STAT5B: variants seen among roughly 807,000 people sequenced by gnomAD.
STAT5B encodes signal transducer and activator of transcription 5B.
STAT5B carries 21 observed loss-of-function variants against 107.8 expected under a neutral mutation model. That is an observed-to-expected ratio of 0.19 (90% CI 0.14 to 0.28). The LOEUF is 0.28. Among genes scored for constraint, STAT5B ranks in the 10% least tolerant of loss-of-function variants. The pLI, the probability that STAT5B is intolerant of heterozygous loss-of-function variation, is 1.00. For synonymous variants in STAT5B, 325 were observed against 401.7 expected (o/e 0.81, Z 2.28); for missense variants, 565 against 1,008.2 (o/e 0.56, Z 5.95).
chr17:42,247,586 AC>A (rs2080462269), intron 1 of STAT5B, among the ~76,000 whole-genome samples: 1 of 152,162 alleles, frequency 6.6e-6, no homozygotes, highest in South Asian at 2.1e-4. Context: ...GGGGTGTCCT[AC>A]TACCTGTGTT....
chr17:42,250,151 T>C (rs1229499477), intron 1 of STAT5B, among the ~76,000 whole-genome samples: 2 of 152,086 alleles, frequency 1.3e-5, no homozygotes, highest in Non-Finnish European at 1.5e-5. Flanking sequence ...TGCGAGAAAA[T>C]GTTACGAGCT....
chr17:42,212,954 C>A (rs771619349), intron 12 of STAT5B, among the ~76,000 whole-genome samples: 4 of 152,176 alleles, frequency 2.6e-5, no homozygotes, highest in Non-Finnish European at 5.9e-5. Context: ...CTATGCATGC[C>A]AGCAATGACA....
At chr17:42,241,695 G>A (rs2080404640) in intron 1 of STAT5B, among the ~76,000 whole-genome samples, 2 of 152,122 alleles carry the variant, frequency 1.3e-5, no homozygotes, top group South Asian at 4.2e-4. Flanking sequence ...CACCCACCTC[G>A]GCCTCCCAAA....
chr17:42,252,392 C>A (rs2080507812), intron 1 of STAT5B, among the ~76,000 whole-genome samples: 1 of 152,172 alleles, frequency 6.6e-6, no homozygotes, highest in Non-Finnish European at 1.5e-5. Context: ...AGAACCAAGG[C>A]AACTAAGTTA....
the STAT5B span, among the ~76,000 whole-genome samples, chr17:42,284,154 G>A: frequency 6.6e-6 from 1 of 152,126 alleles, no homozygotes; most frequent in Non-Finnish European, 1.5e-5. Flanking sequence ...CCCAAGGAAG[G>A]TCAAGTCAAG....
chr17:42,259,023 G>A (rs981227763), intron 1 of STAT5B, among the ~76,000 whole-genome samples: 2 of 152,186 alleles, frequency 1.3e-5, no homozygotes, highest in African/African-American at 4.8e-5. Context: ...ACCAAAAGGT[G>A]AATATGATTC....
At chr17:42,203,022 A>G (rs983809537) in intron 16 of STAT5B, 1 of 612,580 alleles carries the variant, frequency 1.6e-6, no homozygotes, top group Non-Finnish European at 2.9e-6. Context: ...GGCTCACTGC[A>G]GCCTCCGCCT....
chr17:42,283,772 T>C, the STAT5B span, among the ~76,000 whole-genome samples: 1 of 152,296 alleles, frequency 6.6e-6, no homozygotes, highest in South Asian at 2.1e-4. Flanking sequence ...GGTCCTGATC[T>C]GTCTTCTTGG....
chr17:42,214,316 A>T, intron 12 of STAT5B: 1 of 985,408 alleles, frequency 1.0e-6, no homozygotes, highest in Non-Finnish European at 1.2e-6. Flanking sequence ...GAAACAAGAG[A>T]TGTGGCAATC....
chr17:42,266,419 G>C (rs1029209338), intron 1 of STAT5B, among the ~76,000 whole-genome samples: 11 of 151,668 alleles, frequency 7.3e-5, no homozygotes, highest in Non-Finnish European at 1.0e-4. Flanking sequence ...CATAAATTTT[G>C]AGAATATCAC....
At chr17:42,218,466 TG>T in intron 8 of STAT5B, 136 bp from the exon 9 acceptor site, 1 of 1,444,250 alleles carries the variant, frequency 6.9e-7, no homozygotes. Flanking sequence ...CCTCTGTTCC[TG>T]GGGAAGCCGT....
chr17:42,217,666 A>C, intron 9 of STAT5B: 2 of 638,012 alleles, frequency 3.1e-6, no homozygotes, highest in East Asian at 2.8e-5. Context: ...AACTATCTTC[A>C]CAGAAAACAG....
intron 3 of STAT5B, 146 bp downstream of exon 3, chr17:42,227,378 TAAAAA>T: frequency 7.1e-6 from 6 of 850,732 alleles, no homozygotes; most frequent in Non-Finnish European, 9.9e-6. Context: ...AAATAAAAAG[TAAAAA>T]AAAAAAAAAA....
At chr17:42,229,808 T>C (rs1389957624) in intron 2 of STAT5B, among the ~76,000 whole-genome samples, 2 of 151,744 alleles carry the variant, frequency 1.3e-5, no homozygotes, top group East Asian at 2.0e-4. Flanking sequence ...GAGGCGGAGA[T>C]TGCAGTGAGC....
At chr17:42,280,210 G>A (rs1162813656), upstream of STAT5B, among the ~76,000 whole-genome samples, 1 of 152,104 alleles carries the variant, frequency 6.6e-6, no homozygotes, top group Non-Finnish European at 1.5e-5. Context: ...AATGTCCACT[G>A]GAGGGTCTCA....
chr17:42,201,873 G>A lies in STAT5B; in HGVS notation c.2238-9C>T. The A allele has an allele frequency of 6.2e-7, 1 of 1,613,512 alleles. No individual in the cohort carries two copies. Among genetic ancestry groups the A allele is most frequent in the Non-Finnish European group, 8.5e-7 (1 of 1,179,794 alleles). ...CAAGGACTGAGTCAGGGCTTGGGAG[G>A]GAAAGAAGAGGGATGAAGGGAAGGG... is the stretch of plus-strand genomic sequence containing the variant. On this transcript the variant is annotated splice_polypyrimidine_tract_variant and intron_variant, in intron 18 of 18. Transcript: ENST00000293328.
At position 42,210,512 on chromosome 17, in the gene STAT5B, A is replaced by G. The variant is rs774346811; in HGVS notation, c.1681-15T>C. On this transcript the variant is annotated splice_polypyrimidine_tract_variant and intron_variant, in intron 13 of 18. Transcript: ENST00000293328. Reference sequence around the variant, plus strand: ...GGTAAATTCTCCTGGTTGGAGATACAACAGTGAACATAAGAACACCAGAGT... The same window carrying G: ...GGTAAATTCTCCTGGTTGGAGATACGACAGTGAACATAAGAACACCAGAGT... The G allele has an allele frequency of 1.4e-5, 22 of 1,603,150 alleles. No individual in the cohort carries two copies. Among genetic ancestry groups the G allele is most frequent in the Non-Finnish European group, 1.9e-5 (22 of 1,170,150 alleles).
chr17:42,232,300 G>A (rs1268289661), intron 1 of STAT5B, among the ~76,000 whole-genome samples, 163 bp from the exon 2 acceptor site: 1 of 152,018 alleles, frequency 6.6e-6, no homozygotes, highest in African/African-American at 2.4e-5. Flanking sequence ...CCAAGCTGGA[G>A]TGCAGTGGCA....
At chr17:42,260,631 C>T (rs1015567327) in intron 1 of STAT5B, among the ~76,000 whole-genome samples, 3 of 151,982 alleles carry the variant, frequency 2.0e-5, no homozygotes, top group African/African-American at 7.3e-5. Context: ...AGGCTGGTCT[C>T]GAACTCCTGG....
Sources: gnomAD v4.1 joint callset for allele counts (sites outside exome capture counted in the v4.1 genomes callset) on GRCh38, gnomAD v4.1.1 for gene constraint, MANE v1.5 for transcripts, NCBI Gene and HGNC (gene_info 2026-07-23, HGNC 2026-07-21) for gene names.